NIBAN2: variants seen among roughly 807,000 people sequenced by gnomAD.
NIBAN2 encodes the protein protein Niban 2.
In NIBAN2, 36 loss-of-function variants were observed where a neutral mutation model predicts 81.8. The observed-to-expected ratio is 0.44, with a 90% confidence interval of 0.34 to 0.58. The LOEUF (loss-of-function observed/expected upper bound fraction) is 0.58. NIBAN2 is among the 20% of genes least tolerant of loss of function. The pLI is 0.02. For synonymous variants in NIBAN2, 445 were observed against 441.6 expected, an observed-to-expected ratio of 1.01 and a Z score of -0.10; for missense variants, 897 against 1,014.1, an observed-to-expected ratio of 0.88 and a Z score of 1.57.
At chr9:127,537,532 G>A (rs1402650709) in intron 1 of NIBAN2, among the ~76,000 whole-genome samples, 1 of 152,240 alleles carries the variant, frequency 6.6e-6, no homozygotes, top group Non-Finnish European at 1.5e-5. Context: ...ATGCGGGGAA[G>A]CCAAGGGGGA....
rs1239320184 is a variant in NIBAN2, at chr9:127,508,731, G to A, written c.1318-193C>T. ...CTGCCTCAAGGCAACAGGAAATATG[G>A]GAAGGGGCCTGGGGGCGCAAGGAGA... On this transcript the variant is annotated intron_variant, in intron 10 of 13. Coordinates refer to ENST00000373312, the MANE Select transcript of NIBAN2 (RefSeq NM_022833.4). This position sits in a 1 kb window ranked among gnomAD's most constrained non-coding sequence, Gnocchi z 6.4. Among the ~76,000 whole-genome samples the A allele has an allele frequency of 1.3e-5, 2 of 152,134 alleles. No individual in the cohort carries two copies. Among genetic ancestry groups the A allele is most frequent in the African/African-American group, 4.8e-5 (2 of 41,442 alleles).
At position 127,531,668 on chromosome 9, in the gene NIBAN2, C is replaced by A. The variant is rs1300709103; in HGVS notation, c.166G>T (p.Ala56Ser). 1 of 1,613,492 alleles carries A rather than the reference C, an allele frequency of 6.2e-7. No homozygotes were observed. Among genetic ancestry groups the A allele is most frequent in the South Asian group, 1.1e-5 (1 of 91,076 alleles). The change falls in exon 2 of 14, where the codon GCC becomes TCC. Residue 56 changes from alanine to serine, a missense_variant. By Grantham distance (99) the Ala-to-Ser change is moderately conservative. Transcript: ENST00000373312. ...CTCACCTTGCGCCAGAGCAGCTGGG[C>A]CTGCGGCAGCCCCGTGCCCTCAATC... ...HEIEGTGLPQ[A>S]QLLWRKVPLD...
intron 1 of NIBAN2, among the ~76,000 whole-genome samples, chr9:127,574,368 C>G (rs1837983933): frequency 6.6e-6 from 1 of 152,188 alleles, no homozygotes; most frequent in South Asian, 2.1e-4. Flanking sequence ...CCGCCCCTCC[C>G]CTGCCCACCA....
chr9:127,537,845 C>T (rs758728018), intron 1 of NIBAN2, among the ~76,000 whole-genome samples: 2 of 152,180 alleles, frequency 1.3e-5, no homozygotes, highest in Non-Finnish European at 2.9e-5. Flanking sequence ...CTGCCGAGGC[C>T]CCTCACAGAG....
In NIBAN2 at chr9:127,506,050, G is replaced by C. The variant is rs894468653; in HGVS notation, c.*795C>G. On this transcript the variant is annotated 3_prime_UTR_variant, in exon 14 of 14. Coordinates refer to ENST00000373312, the MANE Select transcript of NIBAN2 (RefSeq NM_022833.4). ...CCAGAGGGAGACCTGTGGGCCAGGC[G>C]GGCAGGAGGGAGGCAGGCTGGGGCC... 6.5e-6 allele frequency: 1 copy of C among 153,244 alleles called. No homozygotes were observed. Among genetic ancestry groups the C allele is most frequent in the Non-Finnish European group, 1.5e-5 (1 of 68,898 alleles). The allele number at this position is 153,244 out of a possible 1,614,324, so 9.5% of individuals were successfully genotyped here.
At chr9:127,523,579 A>T in intron 5 of NIBAN2, 100 bp downstream of exon 5, 2 of 1,186,066 alleles carry the variant, frequency 1.7e-6, no homozygotes, top group East Asian at 2.5e-5. Flanking sequence ...CCTGTAGAGC[A>T]GGGTTGCCAC....
At chr9:127,541,340 G>C (rs1450691813) in intron 1 of NIBAN2, among the ~76,000 whole-genome samples, 1 of 152,214 alleles carries the variant, frequency 6.6e-6, no homozygotes, top group Non-Finnish European at 1.5e-5. Flanking sequence ...CACCACCTCT[G>C]TGCCCAGCAC....
chr9:127,560,230 C>T (rs907666647), intron 1 of NIBAN2, among the ~76,000 whole-genome samples: 1 of 152,188 alleles, frequency 6.6e-6, no homozygotes. Context: ...AGAATCCAGA[C>T]AGGTTTCCCT....
chr9:127,506,815 G>A lies in NIBAN2; in HGVS notation c.*30C>T. 1.3e-6 allele frequency: 2 copies of A among 1,560,404 alleles called. No individual in the cohort carries two copies. The highest frequency in any genetic ancestry group is 1.7e-6 in the Non-Finnish European group (2 of 1,148,102). ...CTGGGTCCGGAAGGGAACGGCCTGTGCCATGTGCAGCAGTCAGGGACCCAC... is the reference window on the plus strand; with the variant it reads ...CTGGGTCCGGAAGGGAACGGCCTGTACCATGTGCAGCAGTCAGGGACCCAC... On this transcript the variant is annotated 3_prime_UTR_variant, in exon 14 of 14. Coordinates refer to ENST00000373312, the MANE Select transcript of NIBAN2 (RefSeq NM_022833.4).
At chr9:127,575,991 C>T (rs1838004266) in intron 1 of NIBAN2, among the ~76,000 whole-genome samples, 2 of 152,172 alleles carry the variant, frequency 1.3e-5, no homozygotes, top group South Asian at 4.1e-4. Context: ...TCCTAAACTC[C>T]TCCTTCATGG....
rs375279915 is a variant in NIBAN2 at position 127,508,232 on chromosome 9, G to C, written c.1435-32C>G. On this transcript the variant is annotated intron_variant, in intron 11 of 13. Coordinates refer to ENST00000373312, the MANE Select transcript of NIBAN2 (RefSeq NM_022833.4). The surrounding 1 kb of genome is among the most constrained non-coding windows in gnomAD (Gnocchi z 6.4). ...GGAACAAGGGGGTCGGGGGTCTGCAGGTCAGTGGGCTCCATTGGCCCTGAG... is the reference window on the plus strand; with the variant it reads ...GGAACAAGGGGGTCGGGGGTCTGCACGTCAGTGGGCTCCATTGGCCCTGAG... 31 of 1,567,734 alleles carry C rather than the reference G, an allele frequency of 2.0e-5. No homozygotes were observed. The highest frequency in any genetic ancestry group is 3.4e-5 in the Admixed American group (2 of 59,580).
intron 8 of NIBAN2, among the ~76,000 whole-genome samples, chr9:127,516,528 G>A (rs1013538612): frequency 3.3e-5 from 5 of 152,208 alleles, no homozygotes; most frequent in African/African-American, 1.2e-4. Context: ...CAGCCTGGGT[G>A]ACAGAATAAA....
upstream of NIBAN2, among the ~76,000 whole-genome samples, chr9:127,570,211 T>C (rs1000163333): frequency 2.6e-5 from 4 of 152,194 alleles, no homozygotes; most frequent in African/African-American, 4.8e-5. Flanking sequence ...GTGATGATGA[T>C]AACAGTTAAA....
chr9:127,517,489 C>T lies in NIBAN2; in HGVS notation c.706-273G>A, dbSNP rs761692809. On this transcript the variant is annotated intron_variant, in intron 6 of 13. Transcript: ENST00000373312. The surrounding 1 kb of genome is among the most constrained non-coding windows in gnomAD (Gnocchi z 4.0). Reference sequence around the variant, plus strand: ...CTACCTAGAATACCATACTCCCTCCCTGCTTTGCCTGCACATGGAAGTGTA... The same window carrying T: ...CTACCTAGAATACCATACTCCCTCCTTGCTTTGCCTGCACATGGAAGTGTA... Among the ~76,000 whole-genome samples, 64 of 152,220 alleles carry T rather than the reference C, an allele frequency of 4.2e-4. No individual in the cohort carries two copies. Among genetic ancestry groups the T allele is most frequent in the Non-Finnish European group, 7.5e-4 (51 of 68,040 alleles).
Position 127,517,996 on chromosome 9 carries a change from C to A in NIBAN2, c.590-55G>T, listed in dbSNP as rs1836866586. 9 of 1,211,770 alleles carry A rather than the reference C, an allele frequency of 7.4e-6. No individual in the cohort carries two copies. The East Asian group carries it at 2.3e-4, about 30-fold the overall frequency. The allele number at this position is 1,211,770 out of a possible 1,614,324, so 75.1% of individuals were successfully genotyped here. On this transcript the variant is annotated intron_variant, in intron 5 of 13. Transcript: ENST00000373312. This position sits in a 1 kb window ranked among gnomAD's most constrained non-coding sequence, Gnocchi z 4.0. ...TCAGCAGATGGCCCAGTGGCCTCTACCAAGACCAACTGAGAACTGACCAAA... is the reference window on the plus strand; with the variant it reads ...TCAGCAGATGGCCCAGTGGCCTCTAACAAGACCAACTGAGAACTGACCAAA...
At chr9:127,538,760 C>T (rs982986165) in intron 1 of NIBAN2, among the ~76,000 whole-genome samples, 3 of 151,206 alleles carry the variant, frequency 2.0e-5, no homozygotes, top group African/African-American at 7.3e-5. Flanking sequence ...GCCTGGCCAA[C>T]ATGGTGAAAC....
intron 8 of NIBAN2, among the ~76,000 whole-genome samples, chr9:127,515,041 C>T (rs145881685): frequency 6.6e-6 from 1 of 152,192 alleles, no homozygotes; most frequent in African/African-American, 2.4e-5. Context: ...GAGTTTTGCC[C>T]AGCCAAGACC....
At chr9:127,569,183 CG>C, upstream of NIBAN2, 1 of 666,244 alleles carries the variant, frequency 1.5e-6, no homozygotes. Flanking sequence ...CTGCGCCCGC[CG>C]CGTCCCACCC....
At chr9:127,522,137 C>A (rs541291843) in intron 5 of NIBAN2, among the ~76,000 whole-genome samples, 1 of 152,322 alleles carries the variant, frequency 6.6e-6, no homozygotes, top group Non-Finnish European at 1.5e-5. Flanking sequence ...CCAGTCCCAG[C>A]CCACAGTCCC....
Sources: allele counts gnomAD v4.1 joint callset (sites outside exome capture counted in the v4.1 genomes callset), GRCh38; gene constraint gnomAD v4.1.1; non-coding constraint Gnocchi (gnomAD v3.1); transcripts MANE v1.5; gene names NCBI Gene and HGNC (gene_info 2026-07-23, HGNC 2026-07-21).